SLC4A4: variants seen among roughly 807,000 people sequenced by gnomAD.
SLC4A4 encodes electrogenic sodium bicarbonate cotransporter 1.
In SLC4A4, 27 loss-of-function variants were observed where a neutral mutation model predicts 111.5. The ratio of observed to expected loss-of-function variants is 0.24; its 90% CI spans 0.18 to 0.33. SLC4A4 has a LOEUF of 0.33. Ranked by LOEUF, SLC4A4 falls within the 10% of genes least tolerant of loss-of-function variation. SLC4A4 has a pLI of 1.00. For synonymous variants in SLC4A4, 443 were observed against 463.4 expected (o/e 0.96, Z 0.57); for missense variants, 909 against 1,315.5 (o/e 0.69, Z 4.78).
At chr4:71,422,102 A>G (rs1319552626) in intron 7 of SLC4A4, among the ~76,000 whole-genome samples, 3 of 147,072 alleles carry the variant, frequency 2.0e-5, no homozygotes, top group Non-Finnish European at 4.5e-5. Flanking sequence ...AGACTAATAA[A>G]GAAAAAAAGA....
chr4:71,560,483 T>A (rs958945874), intron 23 of SLC4A4, among the ~76,000 whole-genome samples: 1 of 151,780 alleles, frequency 6.6e-6, no homozygotes, highest in Admixed American at 6.6e-5. Context: ...TAATGACTAA[T>A]AATGACTTCT....
At chr4:71,408,398 TTCA>T (rs1235822408) in intron 7 of SLC4A4, among the ~76,000 whole-genome samples, 1 of 152,240 alleles carries the variant, frequency 6.6e-6, no homozygotes. Flanking sequence ...TATATAAATC[TTCA>T]TCATCATTGC....
intron 2 of SLC4A4, among the ~76,000 whole-genome samples, chr4:71,128,026 C>T (rs944067110): frequency 6.6e-6 from 1 of 152,172 alleles, no homozygotes; most frequent in Non-Finnish European, 1.5e-5. Context: ...GCAGAGGTTG[C>T]AGTAAGCTGT....
intron 6 of SLC4A4, among the ~76,000 whole-genome samples, chr4:71,383,738 T>C (rs1288379237): frequency 6.6e-6 from 1 of 152,240 alleles, no homozygotes; most frequent in Non-Finnish European, 1.5e-5. Context: ...CCTGATAAGA[T>C]ATTTTTATTT....
chr4:71,489,496 A>G (rs1229988673), intron 15 of SLC4A4, among the ~76,000 whole-genome samples: 1 of 151,740 alleles, frequency 6.6e-6, no homozygotes, highest in Admixed American at 6.6e-5. Flanking sequence ...CTTAATAGAT[A>G]GGCAGAACTT....
At chr4:71,563,147 C>G (rs1737145229) in intron 23 of SLC4A4, among the ~76,000 whole-genome samples, 1 of 151,784 alleles carries the variant, frequency 6.6e-6, no homozygotes, top group Admixed American at 6.6e-5. Context: ...TTATGATTCT[C>G]TGCTTATCTG....
intron 1 of SLC4A4, among the ~76,000 whole-genome samples, chr4:71,229,778 T>C (rs1719285153): frequency 6.6e-6 from 1 of 150,780 alleles, no homozygotes; most frequent in Non-Finnish European, 1.5e-5. Flanking sequence ...TTACTTCCTG[T>C]GGGAATGAAA....
intron 2 of SLC4A4, among the ~76,000 whole-genome samples, chr4:71,113,935 A>G (rs988803344): frequency 6.6e-6 from 1 of 152,212 alleles, no homozygotes; most frequent in African/African-American, 2.4e-5. Context: ...TTAGCAGACT[A>G]AATCCAATGT....
chr4:71,127,819 ACAATT>A (rs1743599303), intron 2 of SLC4A4, among the ~76,000 whole-genome samples: 1 of 152,202 alleles, frequency 6.6e-6, no homozygotes, highest in Non-Finnish European at 1.5e-5. Flanking sequence ...GATAAGATGT[ACAATT>A]CAAAGTATTT....
intron 16 of SLC4A4, among the ~76,000 whole-genome samples, chr4:71,527,552 A>G (rs929794685): frequency 6.6e-6 from 1 of 152,016 alleles, no homozygotes; most frequent in African/African-American, 2.4e-5. Context: ...TAGTTTTTGC[A>G]TAAGTTTGAG....
At position 71,106,433 on chromosome 4, in the gene SLC4A4, A is replaced by G. The variant is rs1742920969; in HGVS notation, c.-2+13641A>G. ...CCATCCCATTACTGGGTATATACCC[A>G]AAGGACTATAAATCATGCTGCTATA... On this transcript the variant is annotated intron_variant, in intron 2 of 26. Transcript: ENST00000649996. Among the ~76,000 whole-genome samples, 3 of 148,792 alleles carry G rather than the reference A, an allele frequency of 2.0e-5. No homozygotes were observed. In the South Asian group the frequency reaches 6.5e-4, roughly 32 times the overall value.
intron 2 of SLC4A4, among the ~76,000 whole-genome samples, chr4:71,244,529 G>A (rs950014161): frequency 1.3e-5 from 2 of 151,980 alleles, no homozygotes; most frequent in African/African-American, 4.8e-5. Context: ...CTTTTTTCTA[G>A]GAATATAAGT....
At chr4:71,536,492 A>ATATATT (rs1246136965) in intron 18 of SLC4A4, among the ~76,000 whole-genome samples, 14 of 126,622 alleles carry the variant, frequency 1.1e-4, no homozygotes, top group Non-Finnish European at 1.5e-4. Context: ...ATATATGTAT[A>ATATATT]TATTTATTTA....
chr4:71,391,312 C>T (rs1423300527), intron 6 of SLC4A4, among the ~76,000 whole-genome samples: 1 of 151,956 alleles, frequency 6.6e-6, no homozygotes, highest in Non-Finnish European at 1.5e-5. Context: ...TTTGTTTTAG[C>T]TTGTCCATGG....
chr4:71,498,828 G>T (rs1223961589), intron 16 of SLC4A4, among the ~76,000 whole-genome samples: 1 of 152,104 alleles, frequency 6.6e-6, no homozygotes, highest in Non-Finnish European at 1.5e-5. Flanking sequence ...TCTTTGTTTA[G>T]CCCACAGTGT....
chr4:71,322,250 A>G (rs1489870557), intron 3 of SLC4A4, among the ~76,000 whole-genome samples: 3 of 152,020 alleles, frequency 2.0e-5, no homozygotes, highest in Non-Finnish European at 4.4e-5. Context: ...ACTTCTCAGT[A>G]TTGCTATCCA....
rs113691476 is a variant in SLC4A4, at chr4:71,267,312, A to G, written c.253+11913A>G. Among the ~76,000 whole-genome samples, 23 of 152,274 alleles carry G rather than the reference A, an allele frequency of 1.5e-4. 2 individuals are homozygous for G. The highest frequency in any genetic ancestry group is 5.5e-4 in the African/African-American group (23 of 41,554). On this transcript the variant is annotated intron_variant, in intron 3 of 25. Coordinates refer to ENST00000264485, the MANE Select transcript of SLC4A4 (RefSeq NM_001098484.3). ...AGGTTAGGAAAGGCTTCTCTGAGAAAGTTATGCTTGAGTTGAGATCTGAAG... is the reference window on the plus strand; with the variant it reads ...AGGTTAGGAAAGGCTTCTCTGAGAAGGTTATGCTTGAGTTGAGATCTGAAG...
At chr4:71,081,753 C>T (rs1741999861) in intron 1 of SLC4A4, among the ~76,000 whole-genome samples, 1 of 152,050 alleles carries the variant, frequency 6.6e-6, no homozygotes, top group South Asian at 2.1e-4. Context: ...TAGGACTTTG[C>T]TACCACCGGC....
At chr4:71,417,060 G>T (rs1721891493) in intron 7 of SLC4A4, among the ~76,000 whole-genome samples, 1 of 152,146 alleles carries the variant, frequency 6.6e-6, no homozygotes, top group Admixed American at 6.5e-5. Context: ...CAGTGTCCCT[G>T]CTTGTTTCTA....
Sources: allele counts gnomAD v4.1 joint callset (sites outside exome capture counted in the v4.1 genomes callset), GRCh38; gene constraint gnomAD v4.1.1; transcripts MANE v1.5; gene names NCBI Gene and HGNC (gene_info 2026-07-23, HGNC 2026-07-21).